The following ANKRD6 variants were observed in gnomAD, a reference collection of about 807,000 sequenced individuals.
The protein encoded by ANKRD6 is ankyrin repeat domain-containing protein 6.
In ANKRD6, 56 loss-of-function variants were observed where a neutral mutation model predicts 82.3. The observed-to-expected ratio is 0.68, with a 90% confidence interval of 0.55 to 0.85. The LOEUF is 0.85. ANKRD6 is among the 40% of genes least tolerant of loss of function. The pLI is 0.00. For synonymous variants in ANKRD6, 347 were observed against 352.1 expected (o/e 0.99, Z 0.16); for missense variants, 852 against 907.6 (o/e 0.94, Z 0.79).
intron 14 of ANKRD6, 188 bp from the exon 15 acceptor site, chr6:89,628,924 T>G: frequency 2.3e-5 from 14 of 608,664 alleles, no homozygotes; most frequent in Non-Finnish European, 3.9e-5. Flanking sequence ...AATTTCAACA[T>G]GAGATTTGGA....
chr6:89,514,186 T>C (rs1043687463), intron 1 of ANKRD6, among the ~76,000 whole-genome samples: 1 of 152,150 alleles, frequency 6.6e-6, no homozygotes, highest in African/African-American at 2.4e-5. Context: ...AAAACTACCC[T>C]GGCCAACATG....
At chr6:89,486,053 T>A (rs1777328898) in intron 1 of ANKRD6, among the ~76,000 whole-genome samples, 1 of 152,216 alleles carries the variant, frequency 6.6e-6, no homozygotes, top group Non-Finnish European at 1.5e-5. Context: ...TTGCCAGTCT[T>A]TAAAACATTT....
At chr6:89,587,530 A>G (rs753308734) in intron 2 of ANKRD6, among the ~76,000 whole-genome samples, 19 of 152,098 alleles carry the variant, frequency 1.2e-4, no homozygotes, top group Non-Finnish European at 2.5e-4. Flanking sequence ...ATTAAACCCA[A>G]TTGTTAGGAA....
Position 89,451,178 on chromosome 6 carries a change from G to A in ANKRD6, c.-144+17803G>A, listed in dbSNP as rs547014224. On this transcript the variant is annotated intron_variant, in intron 1 of 15. Transcript: ENST00000339746. The stretch of plus-strand genomic sequence containing the variant: ...CAAAAAGTTAGTAGGGCATGGTGGC[G>A]TGTGCCTGTGGTCTCAGCTGCTCGG... Among the ~76,000 whole-genome samples, 16 of 152,254 alleles carry A rather than the reference G, an allele frequency of 1.1e-4. No homozygotes were observed. In the South Asian group the frequency reaches 2.3e-3, roughly 22 times the overall value.
chr6:89,631,157 C>A lies in ANKRD6; in HGVS notation c.*153C>A. On this transcript the variant is annotated 3_prime_UTR_variant, in exon 16 of 16. Coordinates refer to ENST00000339746, the MANE Select transcript of ANKRD6 (RefSeq NM_001242809.2). ...CTACAATGTGCCAGATACATGTTTC[C>A]TATGCCCAGGAAGTTATGAAGACTT... is the stretch of plus-strand genomic sequence containing the variant. The A allele has an allele frequency of 1.5e-6, 2 of 1,325,618 alleles. No homozygotes were observed. Among genetic ancestry groups the A allele is most frequent in the Non-Finnish European group, 2.0e-6 (2 of 1,023,516 alleles). The allele number at this position is 1,325,618 out of a possible 1,614,324, so 82.1% of individuals were successfully genotyped here. A position where few individuals can be genotyped will look rare whatever the true frequency, so the allele number is the denominator to read the frequency against.
intron 5 of ANKRD6, 110 bp downstream of exon 5, chr6:89,606,215 A>G (rs568710989): frequency 2.4e-6 from 2 of 819,942 alleles, no homozygotes; most frequent in South Asian, 4.6e-5. Context: ...CCAGAGTGGC[A>G]CGAGGAACCT....
chr6:89,446,204 T>G (rs763137200), intron 1 of ANKRD6, among the ~76,000 whole-genome samples: 2 of 151,796 alleles, frequency 1.3e-5, no homozygotes, highest in African/African-American at 2.4e-5. Context: ...AATACAAAAT[T>G]AACTGGGCAT....
intron 2 of ANKRD6, among the ~76,000 whole-genome samples, chr6:89,586,464 G>A (rs371282910): frequency 2.0e-5 from 3 of 151,998 alleles, no homozygotes; most frequent in Non-Finnish European, 2.9e-5. Context: ...CGAGGCGGGC[G>A]GATCACAAGG....
chr6:89,486,604 A>C (rs1362111998), intron 1 of ANKRD6, among the ~76,000 whole-genome samples: 1 of 152,056 alleles, frequency 6.6e-6, no homozygotes, highest in African/African-American at 2.4e-5. Flanking sequence ...GTCAGCATGG[A>C]TTAGTTCTTT....
At chr6:89,483,758 A>G (rs1205410983) in intron 1 of ANKRD6, among the ~76,000 whole-genome samples, 4 of 152,186 alleles carry the variant, frequency 2.6e-5, no homozygotes, top group African/African-American at 9.7e-5. Context: ...GGAGAGAAAC[A>G]GAGAGATATA....
intron 1 of ANKRD6, among the ~76,000 whole-genome samples, chr6:89,474,204 A>G (rs1016166273): frequency 1.3e-5 from 2 of 152,200 alleles, no homozygotes; most frequent in Non-Finnish European, 2.9e-5. Context: ...GAGTGTGAAC[A>G]CACTGCCTAT....
intron 1 of ANKRD6, among the ~76,000 whole-genome samples, chr6:89,487,123 C>G (rs1157163951): frequency 6.6e-6 from 1 of 152,114 alleles, no homozygotes; most frequent in Non-Finnish European, 1.5e-5. Flanking sequence ...TATTGAATGG[C>G]TTTGTGCATT....
intron 3 of ANKRD6, among the ~76,000 whole-genome samples, chr6:89,596,631 A>C (rs1334539784): frequency 1.3e-5 from 2 of 152,136 alleles, no homozygotes; most frequent in Admixed American, 1.3e-4. Context: ...GAGTCTATTC[A>C]TTCAGGTTAT....
chr6:89,434,261 A>G (rs922265462), intron 1 of ANKRD6, among the ~76,000 whole-genome samples: 1 of 152,196 alleles, frequency 6.6e-6, no homozygotes, highest in Non-Finnish European at 1.5e-5. Flanking sequence ...TCATGCAGTG[A>G]AGTGATGGGA....
rs376364900 is a variant in ANKRD6, at chr6:89,564,083, T to C, written c.-143-2751T>C. Among the ~76,000 whole-genome samples the C allele has an allele frequency of 4.6e-5, 7 of 152,174 alleles. No homozygotes were observed. In the East Asian group the frequency reaches 1.2e-3, roughly 25 times the overall value. ...TAAGGAGGCGATTACTGGGCTTAAA[T>C]TGAAAATGAGTTTGAGATGTCCAAG... On this transcript the variant is annotated intron_variant, in intron 1 of 15. Coordinates refer to ENST00000339746, the MANE Select transcript of ANKRD6 (RefSeq NM_001242809.2).
intron 4 of ANKRD6, among the ~76,000 whole-genome samples, chr6:89,605,109 G>A (rs528343077): frequency 3.3e-5 from 5 of 152,066 alleles, no homozygotes; most frequent in African/African-American, 4.8e-5. Flanking sequence ...ACATTAGGCC[G>A]GGCACGGTGG....
rs1275085238 is a variant in ANKRD6 at position 89,633,588 on chromosome 6, G to T, written c.*2584G>T. On this transcript the variant is annotated 3_prime_UTR_variant, in exon 16 of 16. Coordinates refer to ENST00000339746, the MANE Select transcript of ANKRD6 (RefSeq NM_001242809.2). ...GTGTTTTTTTAAAGAAATTGTTAGT[G>T]CATTATTGAGTATACTAAATATCTG... 6.6e-6 allele frequency: 1 copy of T among 152,070 alleles called. No individual in the cohort carries two copies. The highest frequency in any genetic ancestry group is 1.5e-5 in the Non-Finnish European group (1 of 68,026). The allele number at this position is 152,070 out of a possible 1,614,324, so 9.4% of individuals were successfully genotyped here.
At chr6:89,499,785 G>A (rs777705716) in intron 1 of ANKRD6, among the ~76,000 whole-genome samples, 2 of 152,030 alleles carry the variant, frequency 1.3e-5, no homozygotes, top group Admixed American at 6.6e-5. Context: ...ACACCCTCAC[G>A]GTCCCCTTTC....
chr6:89,529,094 A>T (rs1172963459), intron 1 of ANKRD6, among the ~76,000 whole-genome samples: 3 of 152,202 alleles, frequency 2.0e-5, no homozygotes, highest in African/African-American at 7.2e-5. Flanking sequence ...CAAGAGAGTC[A>T]CCCTGTCCTT....
Sources: gnomAD v4.1 joint callset for allele counts (sites outside exome capture counted in the v4.1 genomes callset) on GRCh38, gnomAD v4.1.1 for gene constraint, MANE v1.5 for transcripts, NCBI Gene and HGNC (gene_info 2026-07-23, HGNC 2026-07-21) for gene names.